The following CDH13 variants were observed in gnomAD, a reference collection of about 807,000 sequenced individuals.
CDH13 encodes cadherin-13.
CDH13 carries 24 observed loss-of-function variants against 63.8 expected under a neutral mutation model. That is an observed-to-expected ratio of 0.38 (90% CI 0.27 to 0.53). The LOEUF is 0.53. CDH13 is among the 20% of genes least tolerant of loss of function. The pLI, the probability that CDH13 is intolerant of heterozygous loss-of-function variation, is 0.85. For missense variants in CDH13, 1,049 were observed against 903.1 expected, an observed-to-expected ratio of 1.16 and a Z score of -2.07; for synonymous variants, 503 against 355.3, an observed-to-expected ratio of 1.42 and a Z score of -4.67.
chr16:83,007,823 T>TAAA (rs1913698516), intron 2 of CDH13, among the ~76,000 whole-genome samples: 1 of 120,576 alleles, frequency 8.3e-6, no homozygotes, highest in African/African-American at 3.5e-5. Flanking sequence ...GACGACTCTG[T>TAAA]CAAAAAAAAA....
intron 2 of CDH13, among the ~76,000 whole-genome samples, chr16:82,979,212 T>C (rs1344602239): frequency 6.6e-6 from 1 of 152,242 alleles, no homozygotes; most frequent in Non-Finnish European, 1.5e-5. Flanking sequence ...TAACTGGCTT[T>C]GGATTTTACA....
intron 5 of CDH13, among the ~76,000 whole-genome samples, chr16:83,333,101 A>G (rs1031076848): frequency 6.6e-6 from 1 of 152,176 alleles, no homozygotes; most frequent in Non-Finnish European, 1.5e-5. Context: ...CAGTCTGTCA[A>G]GCGGGGGATA....
chr16:83,756,806 T>TA (rs1913546590), intron 11 of CDH13, among the ~76,000 whole-genome samples: 1 of 152,096 alleles, frequency 6.6e-6, no homozygotes, highest in Non-Finnish European at 1.5e-5. Context: ...CAGAGAAAAC[T>TA]AAAAAGAGAA....
chr16:83,561,745 G>C (rs896007953), intron 7 of CDH13, among the ~76,000 whole-genome samples: 3 of 152,126 alleles, frequency 2.0e-5, no homozygotes, highest in Non-Finnish European at 4.4e-5. Flanking sequence ...TATTGTTCAT[G>C]GTATATGCGG....
intron 3 of CDH13, among the ~76,000 whole-genome samples, chr16:83,107,106 A>G (rs892776612): frequency 6.6e-6 from 1 of 152,146 alleles, no homozygotes; most frequent in South Asian, 2.1e-4. Context: ...GAGAGTCAAA[A>G]CTTGGAGAGG....
intron 6 of CDH13, among the ~76,000 whole-genome samples, chr16:83,394,048 C>A (rs1048459464): frequency 1.3e-5 from 2 of 152,006 alleles, no homozygotes; most frequent in Non-Finnish European, 2.9e-5. Context: ...ATGATGAGAA[C>A]ACATGGACAC....
chr16:83,014,675 G>T (rs1052536657), intron 2 of CDH13, among the ~76,000 whole-genome samples: 1 of 144,698 alleles, frequency 6.9e-6, no homozygotes, highest in Admixed American at 7.1e-5. Context: ...AGGTTGCAGT[G>T]AGCTGAGATT....
At chr16:83,546,820 G>T (rs1470457377) in intron 7 of CDH13, among the ~76,000 whole-genome samples, 1 of 152,164 alleles carries the variant, frequency 6.6e-6, no homozygotes, top group African/African-American at 2.4e-5. Flanking sequence ...TAGACAGAGG[G>T]CACTGCAGCC....
intron 5 of CDH13, among the ~76,000 whole-genome samples, chr16:83,227,788 G>C (rs762160717): frequency 1.3e-5 from 2 of 152,092 alleles, no homozygotes; most frequent in African/African-American, 2.4e-5. Context: ...GTGCAGACTC[G>C]GCAGCTCCAT....
intron 10 of CDH13, among the ~76,000 whole-genome samples, chr16:83,684,625 G>A (rs1904285976): frequency 1.3e-5 from 2 of 152,228 alleles, no homozygotes; most frequent in South Asian, 4.2e-4. Context: ...AACTCATCTT[G>A]CCCAGGATCT....
chr16:83,423,301 A>G (rs994492860), intron 6 of CDH13, among the ~76,000 whole-genome samples: 1 of 152,214 alleles, frequency 6.6e-6, no homozygotes, highest in Non-Finnish European at 1.5e-5. Flanking sequence ...CTAAGTCGTT[A>G]TTGAAAGTTC....
chr16:83,342,634 T>G (rs972020857), intron 5 of CDH13, among the ~76,000 whole-genome samples: 1 of 152,192 alleles, frequency 6.6e-6, no homozygotes, highest in African/African-American at 2.4e-5. Flanking sequence ...TGGTGTCTCC[T>G]TAGTTTCTGT....
intron 1 of CDH13, among the ~76,000 whole-genome samples, chr16:82,715,636 C>T (rs2032311091): frequency 6.6e-6 from 1 of 152,126 alleles, no homozygotes; most frequent in African/African-American, 2.4e-5. Context: ...CTCAAATACA[C>T]ATCCCCACCG....
chr16:82,973,149 T>C (rs1356608343), intron 2 of CDH13, among the ~76,000 whole-genome samples: 1 of 152,208 alleles, frequency 6.6e-6, no homozygotes, highest in African/African-American at 2.4e-5. Flanking sequence ...TTACAATCTC[T>C]TTCCCCAACT....
Position 82,946,440 on chromosome 16 carries a change from C to G in CDH13, c.158-85570C>G, listed in dbSNP as rs369822316. On this transcript the variant is annotated intron_variant, in intron 2 of 13. Transcript: ENST00000567109. ...AAATTAAGCTTAATCTTCATTTAGGCCAGGTGTGGTGGCTGATGCCTGTAA... is the reference window on the plus strand; with the variant it reads ...AAATTAAGCTTAATCTTCATTTAGGGCAGGTGTGGTGGCTGATGCCTGTAA... Among the ~76,000 whole-genome samples the G allele has an allele frequency of 6.6e-5, 10 of 152,134 alleles. 1 individual carries two copies. Among genetic ancestry groups the G allele is most frequent in the East Asian group, 5.8e-4 (3 of 5,198 alleles).
At chr16:83,408,986 C>G (rs1020107011) in intron 6 of CDH13, among the ~76,000 whole-genome samples, 6 of 152,044 alleles carry the variant, frequency 3.9e-5, no homozygotes, top group Non-Finnish European at 7.4e-5. Flanking sequence ...TTTTCAGTGA[C>G]GTGGCTGAAT....
intron 8 of CDH13, among the ~76,000 whole-genome samples, chr16:83,655,968 A>G (rs911753750): frequency 1.2e-4 from 19 of 152,176 alleles, no homozygotes; most frequent in Non-Finnish European, 2.5e-4. Flanking sequence ...GGTGGGACAC[A>G]GAGAAATAGG....
At chr16:83,070,043 C>T (rs766270816) in intron 3 of CDH13, among the ~76,000 whole-genome samples, 2 of 151,830 alleles carry the variant, frequency 1.3e-5, no homozygotes, top group African/African-American at 2.4e-5. Context: ...TTTTTCAAGG[C>T]ACTTGATGCT....
intron 1 of CDH13, among the ~76,000 whole-genome samples, chr16:82,711,854 G>C (rs1387378823): frequency 6.6e-6 from 1 of 152,202 alleles, no homozygotes; most frequent in Non-Finnish European, 1.5e-5. Flanking sequence ...CTTCACAACG[G>C]TGCTCTGAGT....
Sources: gnomAD v4.1 joint callset for allele counts (sites outside exome capture counted in the v4.1 genomes callset) on GRCh38, gnomAD v4.1.1 for gene constraint, MANE v1.5 for transcripts, NCBI Gene and HGNC (gene_info 2026-07-23, HGNC 2026-07-21) for gene names.